The following DLG2 variants were observed in gnomAD, a reference collection of about 807,000 sequenced individuals.
The protein encoded by DLG2 is disks large homolog 2.
Under a neutral mutation model 132.5 loss-of-function variants are expected in DLG2, and 45 were observed. That is an observed-to-expected ratio of 0.34 (90% confidence interval 0.27 to 0.44). The LOEUF (loss-of-function observed/expected upper bound fraction) is 0.44, where lower values mean the gene tolerates loss of function less well. DLG2 is among the 20% of genes least tolerant of loss of function. The pLI, the probability that DLG2 is intolerant of heterozygous loss-of-function variation, is 1.00. For missense variants in DLG2, 1,045 were observed against 1,196.9 expected (o/e 0.87, Z 1.87); for synonymous variants, 424 against 419.6 (o/e 1.01, Z -0.13).
At chr11:84,487,029 A>G (rs1417003898) in intron 7 of DLG2, among the ~76,000 whole-genome samples, 1 of 152,188 alleles carries the variant, frequency 6.6e-6, no homozygotes, top group East Asian at 1.9e-4. Flanking sequence ...TGTAATAGGA[A>G]AACTTACATA....
chr11:84,887,805 T>C (rs1214074023), intron 6 of DLG2, among the ~76,000 whole-genome samples: 2 of 150,358 alleles, frequency 1.3e-5, no homozygotes, highest in East Asian at 3.9e-4. Flanking sequence ...ATACCGTTTC[T>C]TCACAAGAAG....
At position 84,998,785 on chromosome 11, in the gene DLG2, C is replaced by T. The variant is rs572704989; in HGVS notation, c.357+112876G>A. ...TGTGCATAGGGTCCAATTCCAACTG[C>T]CCACCATGTATGGAACTTTTGGCCT... On this transcript the variant is annotated intron_variant, in intron 6 of 27. Transcript: ENST00000376104. 8.6e-5 allele frequency among the ~76,000 whole-genome samples: 13 copies of T among 152,030 alleles called. No individual in the cohort carries two copies. The East Asian group carries it at 2.3e-3, about 27-fold the overall frequency.
intron 6 of DLG2, among the ~76,000 whole-genome samples, chr11:84,817,603 C>A (rs972579431): frequency 6.6e-6 from 1 of 151,992 alleles, no homozygotes; most frequent in Non-Finnish European, 1.5e-5. Context: ...CAGCCACCTG[C>A]AGCTTATGAG....
rs922433764 is a variant in DLG2 at position 83,904,659 on chromosome 11, CT to C, written c.1496+25668del. 5.7e-3 allele frequency among the ~76,000 whole-genome samples: 835 copies of C among 145,570 alleles called. 5 individuals carry two copies. Among genetic ancestry groups the C allele is most frequent in the African/African-American group, 0.016 (645 of 40,082 alleles). ...TCTCTGGAACTAGTTCTTTTGTTTA[CT>C]TTTTTTTTTTAACCATCCATCATAA... is the stretch of plus-strand genomic sequence containing the variant. On this transcript the variant is annotated intron_variant, in intron 15 of 27. Transcript: ENST00000376104.
Position 85,134,520 on chromosome 11 carries a change from C to A in DLG2, c.282+20036G>T, listed in dbSNP as rs554150396. 6.4e-3 allele frequency among the ~76,000 whole-genome samples: 720 copies of A among 112,312 alleles called. 4 individuals carry two copies. Among genetic ancestry groups the A allele is most frequent in the Non-Finnish European group, 0.01 (586 of 58,462 alleles). The allele number at this position is 112,312 out of a possible 152,430, so 73.7% of individuals were successfully genotyped here. On this transcript the variant is annotated intron_variant, in intron 5 of 27. Coordinates refer to ENST00000376104, the MANE Select transcript of DLG2 (RefSeq NM_001142699.3). ...CTCCAGCCTGGGCAACAGAGCGAGA[C>A]TCCGTCTCAAAAAAAAAAAAAAAAA...
chr11:84,223,476 T>C (rs1196641897), intron 8 of DLG2, among the ~76,000 whole-genome samples: 1 of 151,958 alleles, frequency 6.6e-6, no homozygotes, highest in Non-Finnish European at 1.5e-5. Flanking sequence ...AGCCAGCCCA[T>C]CACAACCTCC....
At chr11:85,323,648 C>T (rs2081238158) in intron 3 of DLG2, among the ~76,000 whole-genome samples, 1 of 152,166 alleles carries the variant, frequency 6.6e-6, no homozygotes. Flanking sequence ...CTCTTTTTAT[C>T]CTCTCCTCCC....
intron 18 of DLG2, chr11:83,786,415 C>G: frequency 2.6e-6 from 1 of 383,340 alleles, no homozygotes; most frequent in Non-Finnish European, 4.9e-6. Context: ...GTGTGTACCA[C>G]ATAAGAATAT....
chr11:85,403,596 G>C (rs1056009319), intron 3 of DLG2, among the ~76,000 whole-genome samples: 1 of 152,014 alleles, frequency 6.6e-6, no homozygotes, highest in Non-Finnish European at 1.5e-5. Context: ...TGGGAGAAGA[G>C]TCCAGTTGCA....
At chr11:85,060,962 T>C (rs1395100472) in intron 6 of DLG2, among the ~76,000 whole-genome samples, 1 of 151,778 alleles carries the variant, frequency 6.6e-6, no homozygotes, top group Non-Finnish European at 1.5e-5. Context: ...CTCCTTGTGG[T>C]TTTGACTTGC....
At chr11:84,702,017 C>T (rs1160108147) in intron 6 of DLG2, among the ~76,000 whole-genome samples, 1 of 151,604 alleles carries the variant, frequency 6.6e-6, no homozygotes, top group Non-Finnish European at 1.5e-5. Context: ...CTCTCCTCTG[C>T]TGGGCCATAT....
At chr11:83,906,039 A>ATGTC (rs1213972165) in intron 15 of DLG2, among the ~76,000 whole-genome samples, 13 of 140,934 alleles carry the variant, frequency 9.2e-5, no homozygotes, top group African/African-American at 3.0e-4. Flanking sequence ...GCTATATCAG[A>ATGTC]TGTCTGTCTG....
chr11:84,556,374 C>T (rs116546902), intron 6 of DLG2, among the ~76,000 whole-genome samples: 2,343 of 152,220 alleles, frequency 0.015, 72 homozygotes, highest in African/African-American at 0.053. Context: ...GTCTTTCTTC[C>T]TGACTCGTAT....
At chr11:83,734,338 CCCTTCCTTCCTTCCTT>C (rs563427546) in intron 18 of DLG2, among the ~76,000 whole-genome samples, 15,204 of 95,230 alleles carry the variant, frequency 0.16, 1,342 homozygotes, top group Non-Finnish European at 0.18. Flanking sequence ...CACTAATTTT[CCCTTCCTTCCTTCCTT>C]CCTTCCTTCC....
chr11:84,885,002 A>T (rs757197896), intron 6 of DLG2, among the ~76,000 whole-genome samples: 1 of 152,134 alleles, frequency 6.6e-6, no homozygotes, highest in African/African-American at 2.4e-5. Context: ...CTAACCAACA[A>T]CATCATCATG....
At chr11:84,423,336 C>T (rs1351796152) in intron 7 of DLG2, among the ~76,000 whole-genome samples, 2 of 152,076 alleles carry the variant, frequency 1.3e-5, no homozygotes, top group African/African-American at 4.8e-5. Flanking sequence ...TCACTTAGTA[C>T]ACTAAGATAC....
At chr11:85,304,520 T>C (rs964695754) in intron 3 of DLG2, among the ~76,000 whole-genome samples, 2 of 152,084 alleles carry the variant, frequency 1.3e-5, no homozygotes, top group African/African-American at 4.8e-5. Context: ...AATCCCAAAA[T>C]CTGAAATCTG....
rs2074203978 is a variant in DLG2, at chr11:84,793,806, T to C, written c.358-259075A>G. 2.0e-5 allele frequency among the ~76,000 whole-genome samples: 3 copies of C among 152,232 alleles called. 1 individual carries two copies. The South Asian group carries it at 6.2e-4, about 32-fold the overall frequency. ...TGTTTCTTTAGAAAGGAAGTGTGTT[T>C]CTTATAGGGAACAGATAAATGAGTC... On this transcript the variant is annotated intron_variant, in intron 6 of 27. Transcript: ENST00000376104.
At chr11:84,525,079 C>T (rs1407744298) in intron 7 of DLG2, among the ~76,000 whole-genome samples, 7 of 152,016 alleles carry the variant, frequency 4.6e-5, no homozygotes, top group Non-Finnish European at 1.5e-5. Context: ...GTAGGTACCT[C>T]TCTCTCCCCA....
Sources: gnomAD v4.1 joint callset for allele counts (sites outside exome capture counted in the v4.1 genomes callset) on GRCh38, gnomAD v4.1.1 for gene constraint, MANE v1.5 for transcripts, NCBI Gene and HGNC (gene_info 2026-07-23, HGNC 2026-07-21) for gene names.